The following PLD5 variants were observed in gnomAD, a reference collection of about 807,000 sequenced individuals.
The protein encoded by PLD5 is phospholipase D family member 5.
A neutral mutation model predicts 61.1 loss-of-function variants in PLD5; 36 were observed. The ratio of observed to expected loss-of-function variants is 0.59; its 90% confidence interval spans 0.45 to 0.78. The LOEUF is 0.78. PLD5 is among the 30% of genes least tolerant of loss of function. PLD5 has a pLI of 0.00. For missense variants in PLD5, 515 were observed against 644.4 expected (o/e 0.80, Z 2.17); for synonymous variants, 243 against 242.8 (o/e 1.00, Z -0.01).
chr1:242,225,046 G>A (rs943686486), intron 4 of PLD5, among the ~76,000 whole-genome samples: 1 of 152,178 alleles, frequency 6.6e-6, no homozygotes, highest in African/African-American at 2.4e-5. Flanking sequence ...TTGTAAGAAT[G>A]TCATACAAAT....
At position 242,124,501 on chromosome 1, in the gene PLD5, C is replaced by A; in HGVS notation, c.900G>T (p.Gln300His). 2.5e-6 allele frequency: 4 copies of A among 1,614,058 alleles called. No homozygotes were observed. Among genetic ancestry groups the A allele is most frequent in the Non-Finnish European group, 2.5e-6 (3 of 1,179,980 alleles). Residue 300 changes from glutamine (Q) to histidine (H), a missense_variant, in exon 6 of 10, where the codon CAG becomes CAT. Around this residue, in one of 2 missense-constraint regions of PLD5, gnomAD observed 450 missense variants for 598.1 expected, o/e 0.75. Coordinates refer to ENST00000536534, the MANE Select transcript of PLD5 (RefSeq NM_001372062.1). ...VYDNEKKLQL[Q>H]LNETKSQAFV... is the part of the protein sequence containing the mutation. ...ATGCTTGAGATTTGGTTTCATTCAA[C>A]TGAAGTTGCAATTTCTTTTCATTGT...
At chr1:242,495,317 G>C (rs1184525321) in intron 1 of PLD5, among the ~76,000 whole-genome samples, 1 of 152,058 alleles carries the variant, frequency 6.6e-6, no homozygotes, top group Non-Finnish European at 1.5e-5. Context: ...TTAGCTAGAC[G>C]GACACCACTT....
At chr1:242,278,076 T>C (rs1003103640) in intron 3 of PLD5, among the ~76,000 whole-genome samples, 3 of 152,188 alleles carry the variant, frequency 2.0e-5, no homozygotes, top group African/African-American at 7.2e-5. Flanking sequence ...TGTCAAAAAC[T>C]TTTTTTGTTG....
intron 8 of PLD5, among the ~76,000 whole-genome samples, chr1:242,102,561 C>T (rs1204750716): frequency 6.6e-6 from 1 of 152,152 alleles, no homozygotes; most frequent in Non-Finnish European, 1.5e-5. Flanking sequence ...GGAGATAAGC[C>T]CACATCAGGG....
chr1:242,163,839 T>G (rs1316137818), intron 5 of PLD5, among the ~76,000 whole-genome samples: 1 of 152,016 alleles, frequency 6.6e-6, no homozygotes, highest in Non-Finnish European at 1.5e-5. Context: ...GTAACAAGGG[T>G]CAGTCTCTTC....
chr1:242,095,693 C>T (rs1279073637), intron 9 of PLD5, among the ~76,000 whole-genome samples: 1 of 152,130 alleles, frequency 6.6e-6, no homozygotes, highest in East Asian at 1.9e-4. Flanking sequence ...TGACACACAA[C>T]ATCTTACTTT....
chr1:242,162,928 TATTAGCAATAATCA>T (rs1188990035), intron 5 of PLD5, among the ~76,000 whole-genome samples: 22 of 152,098 alleles, frequency 1.4e-4, no homozygotes, highest in Admixed American at 1.4e-3. Flanking sequence ...TAAAAAAGAA[TATTAGCAATAATCA>T]ATACCATTCT....
chr1:242,240,249 C>G (rs1332981459), intron 4 of PLD5, among the ~76,000 whole-genome samples: 1 of 152,278 alleles, frequency 6.6e-6, no homozygotes, highest in East Asian at 1.9e-4. Flanking sequence ...CTTGGAATAT[C>G]GATCTTCTCT....
chr1:242,402,742 G>A (rs1266859659), intron 1 of PLD5, among the ~76,000 whole-genome samples: 8 of 152,168 alleles, frequency 5.3e-5, no homozygotes, highest in Admixed American at 5.2e-4. Flanking sequence ...CTCAAAGGAA[G>A]TTTATCTTAA....
chr1:242,168,846 G>GTTTTTTTTTTTTTT lies in PLD5; in HGVS notation c.736-44195_736-44182dup, dbSNP rs34280777. Among the ~76,000 whole-genome samples, 72 of 111,272 alleles carry GTTTTTTTTTTTTTT rather than the reference G, an allele frequency of 6.5e-4. 8 individuals are homozygous for GTTTTTTTTTTTTTT. Among genetic ancestry groups the GTTTTTTTTTTTTTT allele is most frequent in the African/African-American group, 2.3e-3 (62 of 26,790 alleles). 73.0% of individuals were successfully genotyped at this position (111,272 alleles called of 152,430 possible). A position where few individuals can be genotyped will look rare whatever the true frequency, so the allele number is the denominator to read the frequency against. On this transcript the variant is annotated intron_variant, in intron 5 of 9. Transcript: ENST00000536534. ...TCCATGACAGTTTTTAATTAATGAA[G>GTTTTTTTTTTTTTT]TTTTTTTTTTTTTTTTTTTTACCAC...
intron 1 of PLD5, among the ~76,000 whole-genome samples, chr1:242,397,118 C>G (rs769339050): frequency 6.6e-6 from 1 of 152,086 alleles, no homozygotes; most frequent in Non-Finnish European, 1.5e-5. Flanking sequence ...AATCGTCTCA[C>G]CTAATATCAT....
chr1:242,353,838 T>C (rs567804842), intron 1 of PLD5, among the ~76,000 whole-genome samples: 2 of 151,824 alleles, frequency 1.3e-5, no homozygotes, highest in South Asian at 2.1e-4. Context: ...TTCACCTCCT[T>C]GATTAAATTT....
intron 1 of PLD5, among the ~76,000 whole-genome samples, chr1:242,406,300 A>T (rs73130386): frequency 0.04 from 6,104 of 152,276 alleles, 413 homozygotes; most frequent in African/African-American, 0.14. Context: ...AAGGAATGAG[A>T]AAATGAACAA....
At chr1:242,278,955 C>T (rs1335928278) in intron 3 of PLD5, among the ~76,000 whole-genome samples, 1 of 152,228 alleles carries the variant, frequency 6.6e-6, no homozygotes, top group Non-Finnish European at 1.5e-5. Context: ...TATGCTGACA[C>T]TGTACCAGGA....
intron 4 of PLD5, among the ~76,000 whole-genome samples, chr1:242,238,496 G>A (rs1200164027): frequency 2.6e-5 from 4 of 152,168 alleles, no homozygotes; most frequent in Admixed American, 6.5e-5. Context: ...ACACCTATAA[G>A]GTGCAATGGA....
chr1:242,397,704 T>C (rs1268651616), intron 1 of PLD5, among the ~76,000 whole-genome samples: 7 of 152,096 alleles, frequency 4.6e-5, no homozygotes. Context: ...GACTATTCTA[T>C]ATCTCTATTA....
At chr1:242,427,388 GCAT>G (rs774580612) in intron 1 of PLD5, among the ~76,000 whole-genome samples, 5 of 152,150 alleles carry the variant, frequency 3.3e-5, no homozygotes, top group African/African-American at 4.8e-5. Flanking sequence ...ATCAGGAGTT[GCAT>G]CATGTCTTCC....
chr1:242,107,081 C>T (rs571957414), intron 8 of PLD5, among the ~76,000 whole-genome samples: 12 of 152,092 alleles, frequency 7.9e-5, no homozygotes, highest in East Asian at 1.9e-4. Context: ...ACCCAGACGA[C>T]GAGGCATCTG....
At chr1:242,200,812 A>G (rs898666722) in intron 5 of PLD5, among the ~76,000 whole-genome samples, 4 of 152,238 alleles carry the variant, frequency 2.6e-5, no homozygotes, top group Admixed American at 2.6e-4. Context: ...TGAAGATTAA[A>G]TGAATCAGGC....
Sources: gnomAD v4.1 joint callset for allele counts (sites outside exome capture counted in the v4.1 genomes callset) on GRCh38, gnomAD v4.1.1 for gene constraint, gnomAD v4.1.1 regional missense constraint, MANE v1.5 for transcripts, NCBI Gene and HGNC (gene_info 2026-07-23, HGNC 2026-07-21) for gene names.